Variants in SLCO3A1 observed in about 807,000 individuals in gnomAD.
SLCO3A1 encodes the protein solute carrier organic anion transporter family member 3A1, also known as PGE1 transporter.
SLCO3A1 carries 27 observed loss-of-function variants against 63.1 expected under a neutral mutation model. The observed-to-expected ratio is 0.43, with a 90% CI of 0.32 to 0.59. SLCO3A1 has a LOEUF of 0.59. Ranked by LOEUF, SLCO3A1 falls within the 20% of genes least tolerant of loss-of-function variation. SLCO3A1 has a pLI of 0.09. For synonymous variants in SLCO3A1, 473 were observed against 409.9 expected, an observed-to-expected ratio of 1.15 and a Z score of -1.86; for missense variants, 773 against 945.8, an observed-to-expected ratio of 0.82 and a Z score of 2.40.
At chr15:92,010,874 C>A (rs937185261) in intron 2 of SLCO3A1, among the ~76,000 whole-genome samples, 1 of 152,150 alleles carries the variant, frequency 6.6e-6, no homozygotes, top group Non-Finnish European at 1.5e-5. Flanking sequence ...GCTGGGATTC[C>A]CCCTACTCCT....
At chr15:91,880,938 T>G (rs971971182) in intron 1 of SLCO3A1, among the ~76,000 whole-genome samples, 16 of 152,100 alleles carry the variant, frequency 1.1e-4, no homozygotes, top group African/African-American at 3.9e-4. Context: ...CCAATTTATT[T>G]AGAGTGATGG....
chr15:92,104,592 T>A, intron 4 of SLCO3A1, 50 bp downstream of exon 4: 1 of 1,569,158 alleles, frequency 6.4e-7, no homozygotes, highest in Non-Finnish European at 8.6e-7. Flanking sequence ...GGGATTGGGA[T>A]GGGGGTGATG....
chr15:91,939,221 A>G (rs1256839426), intron 2 of SLCO3A1, among the ~76,000 whole-genome samples: 1 of 152,174 alleles, frequency 6.6e-6, no homozygotes, highest in Non-Finnish European at 1.5e-5. Context: ...TGGCCAAAAC[A>G]GGAACGAGAG....
At chr15:92,125,786 G>A (rs556635885) in intron 5 of SLCO3A1, among the ~76,000 whole-genome samples, 3 of 151,764 alleles carry the variant, frequency 2.0e-5, no homozygotes, top group East Asian at 2.0e-4. Flanking sequence ...TTCAGCTTGC[G>A]TTTCTCCTGA....
intron 2 of SLCO3A1, among the ~76,000 whole-genome samples, chr15:92,035,373 G>A (rs543110510): frequency 1.8e-4 from 28 of 151,844 alleles, no homozygotes; most frequent in African/African-American, 4.8e-4. Flanking sequence ...AATCCCTGTC[G>A]TATGGCCCAA....
rs1028727393 is a variant in SLCO3A1, at chr15:91,954,626, G to A, written c.646+38168G>A. Among the ~76,000 whole-genome samples the A allele has an allele frequency of 1.3e-5, 2 of 152,076 alleles. No individual in the cohort carries two copies. Among genetic ancestry groups the A allele is most frequent in the African/African-American group, 2.4e-5 (1 of 41,362 alleles). ...GGTGGGGAAGAGGAAGTGGAAGTTG[G>A]CGGGGAAGAGTGTTGCAGGTCCAGG... On this transcript the variant is annotated intron_variant, in intron 2 of 9. Coordinates refer to ENST00000318445, the MANE Select transcript of SLCO3A1 (RefSeq NM_013272.4). This position sits in a 1 kb window ranked among gnomAD's most constrained non-coding sequence, Gnocchi z 4.7.
intron 2 of SLCO3A1, among the ~76,000 whole-genome samples, chr15:92,007,292 T>A (rs1444803355): frequency 3.9e-5 from 6 of 152,228 alleles, no homozygotes; most frequent in Admixed American, 1.3e-4. Flanking sequence ...CAGGCATTGT[T>A]CCATAGTGAA....
intron 4 of SLCO3A1, among the ~76,000 whole-genome samples, chr15:92,111,901 A>T (rs954494464): frequency 6.6e-6 from 1 of 152,224 alleles, no homozygotes; most frequent in South Asian, 2.1e-4. Context: ...ATGGCCAAAT[A>T]ACTTTGGGAA....
chr15:92,074,781 T>TG (rs35500707), intron 2 of SLCO3A1, among the ~76,000 whole-genome samples: 2 of 48,446 alleles, frequency 4.1e-5, no homozygotes, highest in Non-Finnish European at 1.0e-4. Flanking sequence ...AGCAGGGCGG[T>TG]GGGGGGTGGC....
At chr15:92,053,698 T>TTG (rs1199869058) in intron 2 of SLCO3A1, among the ~76,000 whole-genome samples, 105 of 149,364 alleles carry the variant, frequency 7.0e-4, no homozygotes, top group African/African-American at 2.5e-3. Flanking sequence ...GTTTGTTTGT[T>TTG]TTTTTTTTTT....
intron 2 of SLCO3A1, among the ~76,000 whole-genome samples, chr15:91,998,227 G>A (rs8027299): frequency 0.025 from 3,775 of 152,334 alleles, 146 homozygotes; most frequent in African/African-American, 0.086. Context: ...GCCAAGGCAG[G>A]CAGATCACCT....
intron 2 of SLCO3A1, among the ~76,000 whole-genome samples, chr15:92,042,350 T>C (rs990797159): frequency 6.6e-6 from 1 of 152,118 alleles, no homozygotes; most frequent in Non-Finnish European, 1.5e-5. Flanking sequence ...CAGACAAAAG[T>C]GGAGGATGAC....
chr15:91,986,459 C>T (rs959199198), intron 2 of SLCO3A1, among the ~76,000 whole-genome samples: 2 of 146,842 alleles, frequency 1.4e-5, no homozygotes, highest in African/African-American at 4.9e-5. Flanking sequence ...CATTTTAATT[C>T]TCTAGTAGCC....
rs569521815 is a variant in SLCO3A1 at position 92,058,749 on chromosome 15, G to C, written c.647-36132G>C. On this transcript the variant is annotated intron_variant, in intron 2 of 9. Transcript: ENST00000318445. ...ACAGTCCTAGAAGCCAGAACTCCAC[G>C]ATCAAGGTGTCTTAGGGTTAACTTC... Among the ~76,000 whole-genome samples, 3 of 152,250 alleles carry C rather than the reference G, an allele frequency of 2.0e-5. No individual in the cohort carries two copies. The East Asian group carries it at 5.8e-4, about 29-fold the overall frequency.
intron 2 of SLCO3A1, among the ~76,000 whole-genome samples, chr15:91,947,853 G>A (rs768310539): frequency 2.0e-5 from 3 of 152,144 alleles, no homozygotes; most frequent in Non-Finnish European, 4.4e-5. Flanking sequence ...GGGTCGGTCT[G>A]TACACTGCAG....
intron 1 of SLCO3A1, among the ~76,000 whole-genome samples, chr15:91,861,928 C>T (rs1414240096): frequency 3.5e-5 from 4 of 113,946 alleles, no homozygotes; most frequent in African/African-American, 6.7e-5. Context: ...GTGTGAGCCA[C>T]GGTGCCTTGC....
exon 11 of SLCO3A1, chr15:92,171,919 C>A: frequency 7.5e-7 from 1 of 1,339,034 alleles, no homozygotes; most frequent in South Asian, 1.3e-5. Context: ...CCACAGACCT[C>A]GCGGGCCTCA....
At chr15:91,914,652 C>T (rs1049698170) in intron 1 of SLCO3A1, among the ~76,000 whole-genome samples, 16 of 151,188 alleles carry the variant, frequency 1.1e-4, no homozygotes, top group Admixed American at 4.0e-4. Context: ...TCACTGCAAC[C>T]GCCGCCTCCA....
rs1897300501 is a variant in SLCO3A1, at chr15:91,872,323, G to T, written c.180+18235G>T. On this transcript the variant is annotated intron_variant, in intron 1 of 9. Coordinates refer to ENST00000318445, the MANE Select transcript of SLCO3A1 (RefSeq NM_013272.4). The surrounding 1 kb of genome is among the most constrained non-coding windows in gnomAD (Gnocchi z 4.1). ...CAGTGCGGGCAGATCACGAGGTCAG[G>T]AGTTCGAGACCAGCCTGGCCAACGT... Among the ~76,000 whole-genome samples, 1 of 152,174 alleles carries T rather than the reference G, an allele frequency of 6.6e-6. No individual in the cohort carries two copies. The highest frequency in any genetic ancestry group is 1.5e-5 in the Non-Finnish European group (1 of 68,042).
Sources: gnomAD v4.1 joint callset for allele counts (sites outside exome capture counted in the v4.1 genomes callset) on GRCh38, gnomAD v4.1.1 for gene constraint, Gnocchi (gnomAD v3.1) non-coding constraint, MANE v1.5 for transcripts, NCBI Gene and HGNC (gene_info 2026-07-23, HGNC 2026-07-21) for gene names.